The following PRMT8 variants were observed in gnomAD, a reference collection of about 807,000 sequenced individuals.
PRMT8 encodes the protein protein arginine methyltransferase 8.
In PRMT8, 7 loss-of-function variants were observed where a neutral mutation model predicts 47.1. The observed-to-expected ratio is 0.15, with a 90% CI of 0.08 to 0.28. PRMT8 has a LOEUF of 0.28. Ranked by LOEUF, PRMT8 falls within the 10% of genes least tolerant of loss-of-function variation. The probability of loss-of-function intolerance (pLI) is 1.00; values close to 1 mark genes in which losing one functional copy is unlikely to be tolerated. For missense variants in PRMT8, 237 were observed against 505.4 expected (o/e 0.47, Z 5.09); for synonymous variants, 188 against 186.5 (o/e 1.01, Z -0.07).
rs774336632 is a variant in PRMT8 at position 3,593,073 on chromosome 12, C to T, written c.1102-26C>T. 1.2e-6 allele frequency: 2 copies of T among 1,603,794 alleles called. No homozygotes were observed. Among genetic ancestry groups the T allele is most frequent in the East Asian group, 4.5e-5 (2 of 44,826 alleles). On this transcript the variant is annotated intron_variant, in intron 9 of 9. Coordinates refer to ENST00000382622, the MANE Select transcript of PRMT8 (RefSeq NM_019854.5). The surrounding 1 kb of genome is among the most constrained non-coding windows in gnomAD (Gnocchi z 4.8). ...GCTTCATACCCAGACGGCCGCCTGA[C>T]CCTTCGCTCTCTCTCTGCCTTGCAG...
At chr12:3,571,111 G>C (rs1329628982) in intron 6 of PRMT8, among the ~76,000 whole-genome samples, 4 of 152,198 alleles carry the variant, frequency 2.6e-5, no homozygotes, top group Non-Finnish European at 4.4e-5. Context: ...ACAGTTCTTG[G>C]TCCTATAATG....
At position 3,593,192 on chromosome 12, in the gene PRMT8, G is replaced by A. The variant is rs754339963; in HGVS notation, c.*10G>A. 3.7e-6 allele frequency: 6 copies of A among 1,609,962 alleles called. No individual in the cohort carries two copies. Among genetic ancestry groups the A allele is most frequent in the Non-Finnish European group, 8.5e-7 (1 of 1,176,830 alleles). ...CTACAAAATGCGTTAGCACACGTGG[G>A]AAGCTGCAGAGAGCAACGAGAAAAG... On this transcript the variant is annotated 3_prime_UTR_variant, in exon 10 of 10. Transcript: ENST00000382622. This position sits in a 1 kb window ranked among gnomAD's most constrained non-coding sequence, Gnocchi z 4.8.
intron 1 of PRMT8, among the ~76,000 whole-genome samples, chr12:3,469,615 G>A (rs1259148437): frequency 6.6e-6 from 1 of 152,182 alleles, no homozygotes; most frequent in Non-Finnish European, 1.5e-5. Context: ...CCTTTTGGAA[G>A]TGTTGAAAAT....
At chr12:3,546,477 A>C (rs548986299) in intron 2 of PRMT8, among the ~76,000 whole-genome samples, 1 of 152,338 alleles carries the variant, frequency 6.6e-6, no homozygotes, top group South Asian at 2.1e-4. Flanking sequence ...AAATTAAAAT[A>C]ACATAAATGG....
At chr12:3,412,827 C>A (rs566257772) in intron 1 of PRMT8, among the ~76,000 whole-genome samples, 10 of 152,150 alleles carry the variant, frequency 6.6e-5, no homozygotes, top group Non-Finnish European at 1.3e-4. Context: ...ATTGGCCAGG[C>A]TGGTCTCGAA....
At chr12:3,472,482 C>G (rs1865170687) in intron 1 of PRMT8, among the ~76,000 whole-genome samples, 1 of 152,232 alleles carries the variant, frequency 6.6e-6, no homozygotes, top group South Asian at 2.1e-4. Context: ...CACTTTGAAT[C>G]CCGGCTCTGC....
intron 1 of PRMT8, among the ~76,000 whole-genome samples, chr12:3,474,071 G>A (rs1453974173): frequency 6.6e-6 from 1 of 152,202 alleles, no homozygotes; most frequent in Non-Finnish European, 1.5e-5. Flanking sequence ...GCCTGAATGA[G>A]CTTCTACAAA....
At chr12:3,420,796 G>T (rs940575422) in intron 1 of PRMT8, among the ~76,000 whole-genome samples, 1 of 152,194 alleles carries the variant, frequency 6.6e-6, no homozygotes. Context: ...ACCAGAGTCC[G>T]TTTCTGTGGA....
chr12:3,422,757 A>T (rs891727635), intron 1 of PRMT8, among the ~76,000 whole-genome samples: 1 of 152,216 alleles, frequency 6.6e-6, no homozygotes, highest in African/African-American at 2.4e-5. Flanking sequence ...CTGCCTGTGG[A>T]TTCCATTTCT....
At chr12:3,563,641 A>G (rs1866672500) in intron 4 of PRMT8, among the ~76,000 whole-genome samples, 1 of 152,054 alleles carries the variant, frequency 6.6e-6, no homozygotes, top group African/African-American at 2.4e-5. Context: ...CAAGAATCCC[A>G]GGTGGTAGGG....
chr12:3,385,884 T>C (rs1480508819), intron 1 of PRMT8, among the ~76,000 whole-genome samples: 1 of 150,554 alleles, frequency 6.6e-6, no homozygotes, highest in African/African-American at 2.4e-5. Flanking sequence ...TATTCATGAC[T>C]GACTCTCCGT....
intron 1 of PRMT8, among the ~76,000 whole-genome samples, chr12:3,539,898 C>T (rs1284111267): frequency 1.3e-5 from 2 of 152,134 alleles, no homozygotes; most frequent in African/African-American, 4.8e-5. Flanking sequence ...GTAGGAGACA[C>T]CAGAACCTAA....
intron 1 of PRMT8, among the ~76,000 whole-genome samples, chr12:3,475,859 T>C (rs1865207204): frequency 6.6e-6 from 1 of 152,226 alleles, no homozygotes; most frequent in Non-Finnish European, 1.5e-5. Flanking sequence ...CTCTTCTACA[T>C]CCTGTGGGTG....
chr12:3,569,335 A>T lies in PRMT8; in HGVS notation c.625-142A>T. The T allele has an allele frequency of 1.3e-6, 1 of 752,348 alleles. No individual in the cohort carries two copies. Among genetic ancestry groups the T allele is most frequent in the Non-Finnish European group, 2.4e-6 (1 of 420,462 alleles). The allele number at this position is 752,348 out of a possible 1,614,324, so 46.6% of individuals were successfully genotyped here. On this transcript the variant is annotated intron_variant, in intron 5 of 9. Coordinates refer to ENST00000382622, the MANE Select transcript of PRMT8 (RefSeq NM_019854.5). The surrounding 1 kb of genome is among the most constrained non-coding windows in gnomAD (Gnocchi z 8.2). Reference sequence around the variant, plus strand: ...ATTGAGCACTGCTGTCCTAGCCCTCACCCCAGACAAGGTGACAGTCCACTG... The same window carrying T: ...ATTGAGCACTGCTGTCCTAGCCCTCTCCCCAGACAAGGTGACAGTCCACTG...
At position 3,564,908 on chromosome 12, in the gene PRMT8, G is replaced by A. The variant is rs182580803; in HGVS notation, c.482-3798G>A. On this transcript the variant is annotated intron_variant, in intron 4 of 9. Transcript: ENST00000382622. This position sits in a 1 kb window ranked among gnomAD's most constrained non-coding sequence, Gnocchi z 4.0. ...AATAGCCCCTAGTAAGTTGGCATAT[G>A]CCCCACCATGACAGGTAGCATTTTG... is the stretch of plus-strand genomic sequence containing the variant. Among the ~76,000 whole-genome samples the A allele has an allele frequency of 2.6e-5, 4 of 152,354 alleles. No homozygotes were observed. Among genetic ancestry groups the A allele is most frequent in the Admixed American group, 2.6e-4 (4 of 15,312 alleles).
At chr12:3,582,451 G>C (rs1867084890) in intron 7 of PRMT8, among the ~76,000 whole-genome samples, 1 of 152,206 alleles carries the variant, frequency 6.6e-6, no homozygotes, top group South Asian at 2.1e-4. Flanking sequence ...CTCTGTCTGT[G>C]ACTTTGTGGG....
chr12:3,465,645 C>T (rs1012727707), intron 1 of PRMT8, among the ~76,000 whole-genome samples: 1 of 152,130 alleles, frequency 6.6e-6, no homozygotes, highest in Admixed American at 6.6e-5. Context: ...GCTTATTGAA[C>T]AGGGGAGTGC....
In PRMT8 at chr12:3,566,273, A is replaced by G. The variant is rs371746216; in HGVS notation, c.482-2433A>G. On this transcript the variant is annotated intron_variant, in intron 4 of 9. Transcript: ENST00000382622. This position sits in a 1 kb window ranked among gnomAD's most constrained non-coding sequence, Gnocchi z 4.7. ...AAAAAATCCTTTACTTTGCCACTCT[A>G]TGAATTTTCTTAGTGCACCCTGGGC... 1.6e-4 allele frequency among the ~76,000 whole-genome samples: 25 copies of G among 152,212 alleles called. No homozygotes were observed. The highest frequency in any genetic ancestry group is 4.6e-4 in the African/African-American group (19 of 41,462).
intron 1 of PRMT8, among the ~76,000 whole-genome samples, chr12:3,426,017 A>C (rs1049234201): frequency 6.6e-6 from 1 of 152,370 alleles, no homozygotes; most frequent in Middle Eastern, 3.4e-3. Flanking sequence ...CGGAAGCTGG[A>C]TGGCCCTCGG....
Sources: gnomAD v4.1 joint callset for allele counts (sites outside exome capture counted in the v4.1 genomes callset) on GRCh38, gnomAD v4.1.1 for gene constraint, Gnocchi (gnomAD v3.1) non-coding constraint, MANE v1.5 for transcripts, NCBI Gene and HGNC (gene_info 2026-07-23, HGNC 2026-07-21) for gene names.